Variants in BMPER observed in about 807,000 individuals in gnomAD.
BMPER encodes the protein BMP-binding endothelial regulator protein.
A neutral mutation model predicts 87.3 loss-of-function variants in BMPER; 45 were observed. The observed-to-expected ratio is 0.52, with a 90% confidence interval of 0.41 to 0.66. The LOEUF (loss-of-function observed/expected upper bound fraction) is 0.66, where lower values mean the gene tolerates loss of function less well. Among genes scored for constraint, BMPER ranks in the 30% least tolerant of loss-of-function variants. The pLI, the probability that BMPER is intolerant of heterozygous loss-of-function variation, is 0.00. For synonymous variants in BMPER, 326 were observed against 316.2 expected, an observed-to-expected ratio of 1.03 and a Z score of -0.33; for missense variants, 784 against 867.5, an observed-to-expected ratio of 0.90 and a Z score of 1.21.
intron 6 of BMPER, among the ~76,000 whole-genome samples, chr7:33,994,839 A>G (rs1786357878): frequency 1.3e-5 from 2 of 152,148 alleles, no homozygotes; most frequent in Admixed American, 6.5e-5. Context: ...CCTCTTTGGG[A>G]TTCAGTTTCC....
intron 6 of BMPER, among the ~76,000 whole-genome samples, chr7:34,008,550 T>A (rs189955391): frequency 3.9e-5 from 6 of 152,140 alleles, no homozygotes; most frequent in Non-Finnish European, 8.8e-5. Context: ...CCTGATATTT[T>A]TGAAGGAGGC....
chr7:33,921,321 G>A (rs1455028962), intron 2 of BMPER, among the ~76,000 whole-genome samples: 2 of 152,320 alleles, frequency 1.3e-5, no homozygotes, highest in African/African-American at 2.4e-5. Context: ...AAGCCACCCT[G>A]TGAGGTAGCG....
chr7:34,145,003 C>T (rs1790980128), intron 14 of BMPER, among the ~76,000 whole-genome samples: 1 of 152,220 alleles, frequency 6.6e-6, no homozygotes, highest in South Asian at 2.1e-4. Context: ...ATTGCGTTCA[C>T]TTAGACCTGT....
chr7:34,105,076 G>A (rs191319120), intron 13 of BMPER, among the ~76,000 whole-genome samples: 120 of 152,310 alleles, frequency 7.9e-4, no homozygotes, highest in Non-Finnish European at 1.4e-3. Flanking sequence ...TGAGAGTAGG[G>A]TCTCTGGGGA....
intron 2 of BMPER, among the ~76,000 whole-genome samples, chr7:33,910,471 A>T (rs1783930558): frequency 6.6e-6 from 1 of 152,202 alleles, no homozygotes; most frequent in Non-Finnish European, 1.5e-5. Flanking sequence ...AGCCTTTTCC[A>T]CCTAACTGTA....
chr7:33,989,933 CG>C (rs1786154086), intron 6 of BMPER, among the ~76,000 whole-genome samples: 1 of 151,932 alleles, frequency 6.6e-6, no homozygotes, highest in East Asian at 1.9e-4. Context: ...TGTAGATATG[CG>C]GCGTTATTTC....
intron 11 of BMPER, among the ~76,000 whole-genome samples, chr7:34,065,203 ACTCTCTCTCTCTCTCTCTCTCT>A (rs70997564): frequency 2.1e-5 from 2 of 97,338 alleles, no homozygotes; most frequent in African/African-American, 9.4e-5. Context: ...ATACACACTC[ACTCTCTCTCTCTCTCTCTCTCT>A]CTCTCTCTCT....
chr7:34,143,506 A>G (rs1790932151), intron 14 of BMPER, 146 bp downstream of exon 14: 3 of 1,230,336 alleles, frequency 2.4e-6, no homozygotes, highest in African/African-American at 1.5e-5. Flanking sequence ...CTGGATTGCT[A>G]CTTGATAAAA....
intron 13 of BMPER, among the ~76,000 whole-genome samples, chr7:34,128,116 G>A (rs1338503448): frequency 6.6e-6 from 1 of 152,076 alleles, no homozygotes; most frequent in Non-Finnish European, 1.5e-5. Flanking sequence ...TGATGTTCTT[G>A]GGTCCCCAAA....
chr7:34,031,264 G>A (rs1787509993), intron 6 of BMPER, among the ~76,000 whole-genome samples: 1 of 152,042 alleles, frequency 6.6e-6, no homozygotes, highest in African/African-American at 2.4e-5. Context: ...CAATCTGTTT[G>A]TGTCATTGGT....
intron 13 of BMPER, among the ~76,000 whole-genome samples, chr7:34,142,086 C>T (rs1790889022): frequency 6.6e-6 from 1 of 152,076 alleles, no homozygotes; most frequent in Non-Finnish European, 1.5e-5. Context: ...TGAATAGCTT[C>T]TGTGAGGAAG....
intron 6 of BMPER, among the ~76,000 whole-genome samples, chr7:34,005,622 C>G (rs558900754): frequency 2.0e-5 from 3 of 151,814 alleles, no homozygotes; most frequent in Non-Finnish European, 4.4e-5. Context: ...CCAGTCTTGT[C>G]TCAAACTCCT....
chr7:34,063,322 T>C (rs1788489813), intron 11 of BMPER, among the ~76,000 whole-genome samples: 1 of 152,138 alleles, frequency 6.6e-6, no homozygotes, highest in African/African-American at 2.4e-5. Flanking sequence ...ATTACTAGAC[T>C]CTGTTATTTT....
chr7:33,966,431 C>G, intron 3 of BMPER, 48 bp from the exon 4 acceptor site: 1 of 1,506,498 alleles, frequency 6.6e-7, no homozygotes, highest in Non-Finnish European at 9.2e-7. Flanking sequence ...TAAAGGAAAC[C>G]CATACCCATT....
chr7:34,056,186 G>A (rs542013642), intron 9 of BMPER, among the ~76,000 whole-genome samples: 1 of 152,298 alleles, frequency 6.6e-6, no homozygotes, highest in East Asian at 1.9e-4. Flanking sequence ...GGAGCCAAAT[G>A]ATGGGATCAT....
intron 3 of BMPER, among the ~76,000 whole-genome samples, chr7:33,961,919 G>C (rs989414867): frequency 2.6e-5 from 4 of 152,090 alleles, no homozygotes; most frequent in African/African-American, 9.7e-5. Flanking sequence ...GGTACCAGGG[G>C]TAAGTTATTC....
chr7:34,129,630 G>GAGAAAGAGAGAAAGAAAGAAAGAA (rs1790515715), intron 13 of BMPER, among the ~76,000 whole-genome samples: 99 of 56,302 alleles, frequency 1.8e-3, no homozygotes, highest in African/African-American at 6.4e-3. Context: ...GAGAGAAAGA[G>GAGAAAGAGAGAAAGAAAGAAAGAA]AGAAAGAAAG....
At chr7:34,006,077 T>G (rs1562684934) in intron 6 of BMPER, among the ~76,000 whole-genome samples, 1 of 152,014 alleles carries the variant, frequency 6.6e-6, no homozygotes, top group Non-Finnish European at 1.5e-5. Context: ...CTCTAGATAT[T>G]ATAATATGTA....
intron 6 of BMPER, among the ~76,000 whole-genome samples, chr7:34,042,469 T>C (rs1383774265): frequency 2.6e-5 from 4 of 152,360 alleles, no homozygotes; most frequent in South Asian, 2.1e-4. Context: ...ACTGTGCTTA[T>C]AGGCATCCTA....
Sources: gnomAD v4.1 joint callset for allele counts (sites outside exome capture counted in the v4.1 genomes callset) on GRCh38, gnomAD v4.1.1 for gene constraint, MANE v1.5 for transcripts, NCBI Gene and HGNC (gene_info 2026-07-23, HGNC 2026-07-21) for gene names.